Variants in DOCK8 observed in about 807,000 individuals in gnomAD.
DOCK8 encodes the protein dedicator of cytokinesis protein 8.
In DOCK8, 141 loss-of-function variants were observed where a neutral mutation model predicts 245.6. The observed-to-expected ratio is 0.57, with a 90% CI of 0.50 to 0.66. The LOEUF is 0.66. DOCK8 is among the 30% of genes least tolerant of loss of function. The probability of loss-of-function intolerance (pLI) is 0.00; values close to 1 mark genes in which losing one functional copy is unlikely to be tolerated. For missense variants in DOCK8, 2,965 were observed against 2,603.4 expected, an observed-to-expected ratio of 1.14 and a Z score of -3.02; for synonymous variants, 1,168 against 970.2, an observed-to-expected ratio of 1.20 and a Z score of -3.79.
chr9:324,611 C>G (rs1389806258), intron 7 of DOCK8, among the ~76,000 whole-genome samples: 1 of 152,170 alleles, frequency 6.6e-6, no homozygotes, highest in Non-Finnish European at 1.5e-5. Context: ...CCAGGCACCT[C>G]AGTGTTTATC....
chr9:400,067 CCATCACCATCACCACCACCTCCACCAT>C lies in DOCK8; in HGVS notation c.3234+811_3234+837del, dbSNP rs1473823303. Among the ~76,000 whole-genome samples, 222 of 98,262 alleles carry C rather than the reference CCATCACCATCACCACCACCTCCACCAT, an allele frequency of 2.3e-3. 13 individuals are homozygous for C. Among genetic ancestry groups the C allele is most frequent in the African/African-American group, 7.3e-3 (147 of 20,186 alleles). 64.5% of individuals were successfully genotyped at this position (98,262 alleles called of 152,430 possible). On this transcript the variant is annotated intron_variant, in intron 26 of 47. Coordinates refer to ENST00000432829, the MANE Select transcript of DOCK8 (RefSeq NM_203447.4). ...ACCTCCACCATCACCACCTCCTTCA[CCATCACCATCACCACCACCTCCACCAT>C]CACCACCACCACCTCCACCACCACC...
intron 47 of DOCK8, 123 bp downstream of exon 47, chr9:463,810 TC>T: frequency 8.5e-7 from 1 of 1,181,078 alleles, no homozygotes; most frequent in Non-Finnish European, 1.2e-6. Context: ...TGGAAGAGGG[TC>T]CCACAGTCAG....
At chr9:419,734 G>C (rs933958259) in intron 30 of DOCK8, among the ~76,000 whole-genome samples, 4 of 152,190 alleles carry the variant, frequency 2.6e-5, no homozygotes, top group Admixed American at 1.3e-4. Context: ...ATGAGTAACA[G>C]AGAGTGCGCT....
At position 383,175 on chromosome 9, in the gene DOCK8, G is replaced by A. The variant is rs549835651; in HGVS notation, c.2778+490G>A. ...AGCACTTTGGGAGGCCGAGGCGGGCGGATTACTTGAGGCCAAGAGTTCAAG... is the reference window on the plus strand; with the variant it reads ...AGCACTTTGGGAGGCCGAGGCGGGCAGATTACTTGAGGCCAAGAGTTCAAG... On this transcript the variant is annotated intron_variant, in intron 22 of 47. Coordinates refer to ENST00000432829, the MANE Select transcript of DOCK8 (RefSeq NM_203447.4). Among the ~76,000 whole-genome samples, 4 of 152,132 alleles carry A rather than the reference G, an allele frequency of 2.6e-5. No homozygotes were observed. In the East Asian group the frequency reaches 5.8e-4, roughly 22 times the overall value.
intron 46 of DOCK8, among the ~76,000 whole-genome samples, chr9:454,060 C>T (rs746275417): frequency 3.9e-5 from 6 of 152,162 alleles, no homozygotes; most frequent in Non-Finnish European, 5.9e-5. Flanking sequence ...GAATGACTAA[C>T]TACAGGACTA....
chr9:450,050 C>A (rs1000037292), intron 45 of DOCK8, 123 bp downstream of exon 45: 17 of 1,119,640 alleles, frequency 1.5e-5, no homozygotes, highest in Non-Finnish European at 1.7e-5. Flanking sequence ...CAGAAATGTT[C>A]CTACACTTAA....
At chr9:416,443 G>A (rs1043077655) in intron 29 of DOCK8, among the ~76,000 whole-genome samples, 2 of 152,130 alleles carry the variant, frequency 1.3e-5, no homozygotes, top group African/African-American at 2.4e-5. Context: ...TCAGTGACTC[G>A]GAATCAGAAC....
chr9:385,723 C>G (rs554057165), intron 22 of DOCK8, among the ~76,000 whole-genome samples: 2 of 152,212 alleles, frequency 1.3e-5, no homozygotes, highest in Non-Finnish European at 2.9e-5. Context: ...AACTCAGCCT[C>G]ATATTGAAAG....
At chr9:348,459 G>A (rs1447282054) in intron 14 of DOCK8, among the ~76,000 whole-genome samples, 1 of 152,138 alleles carries the variant, frequency 6.6e-6, no homozygotes, top group Non-Finnish European at 1.5e-5. Flanking sequence ...CTACCTAAAA[G>A]TCCTGCGGTC....
chr9:400,860 C>T (rs1373629219), intron 26 of DOCK8, among the ~76,000 whole-genome samples: 1 of 90,720 alleles, frequency 1.1e-5, no homozygotes, highest in East Asian at 3.0e-4. Context: ...ATCACCACCT[C>T]CTCCACCATC....
At chr9:289,776 G>C (rs2048964747) in intron 4 of DOCK8, among the ~76,000 whole-genome samples, 195 bp downstream of exon 4, 1 of 152,080 alleles carries the variant, frequency 6.6e-6, no homozygotes, top group African/African-American at 2.4e-5. Flanking sequence ...TCTCACTTTA[G>C]TGTGGTACAT....
At chr9:313,315 T>C (rs573641989) in intron 6 of DOCK8, among the ~76,000 whole-genome samples, 1 of 152,230 alleles carries the variant, frequency 6.6e-6, no homozygotes, top group Non-Finnish European at 1.5e-5. Flanking sequence ...ATTTTGTAAC[T>C]AACTCTCTTA....
At chr9:399,281 A>T (rs372335504) in intron 26 of DOCK8, 22 bp downstream of exon 26, 2 of 1,000,628 alleles carry the variant, frequency 2.0e-6, no homozygotes, top group South Asian at 1.6e-5. Flanking sequence ...CCCCACCCCC[A>T]CCCCCGAGCG....
At chr9:457,516 T>A (rs1234769814) in intron 46 of DOCK8, among the ~76,000 whole-genome samples, 4 of 152,194 alleles carry the variant, frequency 2.6e-5, no homozygotes, top group African/African-American at 9.7e-5. Context: ...ATACGGAGAT[T>A]GTCTATCCAT....
intron 1 of DOCK8, among the ~76,000 whole-genome samples, chr9:224,478 C>T (rs1483186781): frequency 1.3e-5 from 2 of 152,122 alleles, no homozygotes; most frequent in African/African-American, 2.4e-5. Flanking sequence ...TTTTGGCCTT[C>T]GTATGGCTGA....
intron 6 of DOCK8, chr9:314,374 A>G (rs1050861260): frequency 7.9e-5 from 12 of 152,192 alleles, no homozygotes; most frequent in African/African-American, 2.9e-4. Context: ...GATGCAGAGA[A>G]TATGTCCAGT....
chr9:462,657 G>A (rs540643160), intron 46 of DOCK8, among the ~76,000 whole-genome samples: 2 of 152,328 alleles, frequency 1.3e-5, no homozygotes, highest in South Asian at 2.1e-4. Flanking sequence ...ACCAGCTCCT[G>A]TGATCATTCT....
chr9:298,360 G>A (rs2049360033), intron 4 of DOCK8, among the ~76,000 whole-genome samples: 1 of 152,184 alleles, frequency 6.6e-6, no homozygotes, highest in South Asian at 2.1e-4. Flanking sequence ...GGGAGGCGGA[G>A]GTTGCAGTGA....
chr9:337,324 T>A (rs934637447), intron 12 of DOCK8, among the ~76,000 whole-genome samples: 2 of 152,344 alleles, frequency 1.3e-5, no homozygotes, highest in East Asian at 3.9e-4. Flanking sequence ...ACATGAGACC[T>A]GTCAAGCTCT....
Sources: allele counts gnomAD v4.1 joint callset (sites outside exome capture counted in the v4.1 genomes callset), GRCh38; gene constraint gnomAD v4.1.1; transcripts MANE v1.5; gene names NCBI Gene and HGNC (gene_info 2026-07-23, HGNC 2026-07-21).